The following AGBL1 variants were observed in gnomAD, a reference collection of about 807,000 sequenced individuals.
The protein encoded by AGBL1 is AGBL carboxypeptidase 1.
A neutral mutation model predicts 118.9 loss-of-function variants in AGBL1; 130 were observed. The observed-to-expected ratio is 1.09, with a 90% CI of 0.95 to 1.26. The LOEUF (loss-of-function observed/expected upper bound fraction) is 1.26. AGBL1 is among the 50% of genes most tolerant of loss of function. AGBL1 has a pLI of 0.00. For missense variants in AGBL1, 1,584 were observed against 1,298.1 expected (o/e 1.22, Z -3.38); for synonymous variants, 555 against 478.9 (o/e 1.16, Z -2.08).
intron 17 of AGBL1, among the ~76,000 whole-genome samples, chr15:86,307,743 A>T (rs2141817011): frequency 6.6e-6 from 1 of 152,248 alleles, no homozygotes; most frequent in Middle Eastern, 3.4e-3. Context: ...CTTAAAAAAA[A>T]AATTAGGTCT....
chr15:86,857,914 A>G (rs1431642292), intron 22 of AGBL1, among the ~76,000 whole-genome samples: 10 of 151,964 alleles, frequency 6.6e-5, no homozygotes, highest in African/African-American at 2.2e-4. Context: ...ACATCCCACA[A>G]CTGAGTCTTT....
chr15:86,904,709 T>C (rs1172067430), intron 22 of AGBL1, among the ~76,000 whole-genome samples: 1 of 150,002 alleles, frequency 6.7e-6, no homozygotes, highest in Non-Finnish European at 1.5e-5. Context: ...CAAAACCATA[T>C]TTGTTATAAA....
chr15:86,771,539 G>C (rs948203607), intron 22 of AGBL1, among the ~76,000 whole-genome samples: 18 of 151,772 alleles, frequency 1.2e-4, no homozygotes, highest in Non-Finnish European at 4.4e-5. Flanking sequence ...GGTTTGGTAT[G>C]GGGGAAAGAT....
chr15:86,387,283 A>G (rs2081211914), intron 17 of AGBL1, among the ~76,000 whole-genome samples: 1 of 152,184 alleles, frequency 6.6e-6, no homozygotes, highest in African/African-American at 2.4e-5. Context: ...TGGGAATAGT[A>G]AAAATCAGAG....
intron 23 of AGBL1, among the ~76,000 whole-genome samples, chr15:86,949,849 G>A (rs1333524775): frequency 6.6e-6 from 1 of 151,976 alleles, no homozygotes; most frequent in African/African-American, 2.4e-5. Flanking sequence ...TAGCAAAATA[G>A]CATATTTTTT....
intron 6 of AGBL1, among the ~76,000 whole-genome samples, chr15:86,238,146 C>T (rs920905042): frequency 6.6e-6 from 1 of 152,148 alleles, no homozygotes; most frequent in Non-Finnish European, 1.5e-5. Context: ...TTTGTTTTCT[C>T]TGTATCACTT....
chr15:86,657,822 G>C (rs2085485368), intron 21 of AGBL1, among the ~76,000 whole-genome samples: 1 of 151,588 alleles, frequency 6.6e-6, no homozygotes, highest in Non-Finnish European at 1.5e-5. Context: ...ACCAGAACAG[G>C]GAATAGGGAG....
intron 17 of AGBL1, among the ~76,000 whole-genome samples, chr15:86,358,411 T>G (rs762294279): frequency 1.3e-5 from 2 of 152,108 alleles, no homozygotes; most frequent in Non-Finnish European, 2.9e-5. Flanking sequence ...GTACACATTT[T>G]CTTTTTCCAT....
chr15:86,516,980 ATAT>A (rs1459477719), intron 18 of AGBL1, among the ~76,000 whole-genome samples: 10 of 152,280 alleles, frequency 6.6e-5, no homozygotes, highest in African/African-American at 2.4e-4. Flanking sequence ...TAGCTGAATG[ATAT>A]TATGAAATCA....
intron 3 of AGBL1, among the ~76,000 whole-genome samples, chr15:86,151,514 T>G (rs1197999763): frequency 1.3e-5 from 2 of 152,074 alleles, no homozygotes; most frequent in Non-Finnish European, 2.9e-5. Context: ...TAGGTATTGA[T>G]GGAACATATC....
At chr15:86,361,535 GA>G (rs2080805163) in intron 17 of AGBL1, among the ~76,000 whole-genome samples, 1 of 152,030 alleles carries the variant, frequency 6.6e-6, no homozygotes, top group Non-Finnish European at 1.5e-5. Context: ...CCCTTATAGA[GA>G]ATGGAGTATT....
intron 21 of AGBL1, among the ~76,000 whole-genome samples, chr15:86,563,706 G>C (rs911127219): frequency 2.6e-5 from 4 of 152,044 alleles, no homozygotes; most frequent in African/African-American, 9.7e-5. Flanking sequence ...CTGTCTTGTT[G>C]GTCTGTCTAA....
intron 22 of AGBL1, among the ~76,000 whole-genome samples, chr15:86,903,089 A>T (rs567135331): frequency 3.2e-4 from 48 of 151,860 alleles, no homozygotes; most frequent in African/African-American, 1.1e-3. Context: ...ATTTTTTTTT[A>T]AAGTCTATTT....
chr15:87,001,907 A>T (rs1480654546), intron 24 of AGBL1, among the ~76,000 whole-genome samples: 1 of 151,778 alleles, frequency 6.6e-6, no homozygotes, highest in Non-Finnish European at 1.5e-5. Flanking sequence ...GGTTGCAAAA[A>T]TTTTCTCCCA....
At chr15:86,418,368 G>A (rs1253727496) in intron 18 of AGBL1, among the ~76,000 whole-genome samples, 2 of 152,146 alleles carry the variant, frequency 1.3e-5, no homozygotes, top group South Asian at 2.1e-4. Context: ...CCTCACTGAA[G>A]GCCTGTTAAG....
At chr15:86,200,280 T>C (rs886965456) in intron 5 of AGBL1, among the ~76,000 whole-genome samples, 19 of 152,230 alleles carry the variant, frequency 1.2e-4, no homozygotes, top group Admixed American at 3.9e-4. Flanking sequence ...TGTCATTAAA[T>C]TGATGGATCA....
intron 21 of AGBL1, among the ~76,000 whole-genome samples, chr15:86,666,585 TA>T (rs2085649107): frequency 6.6e-6 from 1 of 152,138 alleles, no homozygotes; most frequent in African/African-American, 2.4e-5. Context: ...AAGCAGGCCA[TA>T]ATTTTGGTGA....
chr15:86,825,961 A>G (rs1357251792), intron 22 of AGBL1, among the ~76,000 whole-genome samples: 3 of 152,032 alleles, frequency 2.0e-5, no homozygotes, highest in Non-Finnish European at 4.4e-5. Flanking sequence ...TTATAGATAC[A>G]CATGCAGTTG....
At chr15:86,176,834 G>A (rs1307531474) in intron 5 of AGBL1, among the ~76,000 whole-genome samples, 1 of 152,144 alleles carries the variant, frequency 6.6e-6, no homozygotes, top group African/African-American at 2.4e-5. Context: ...GAGGGCTGAG[G>A]GGCTCTCCTG....
Sources: allele counts gnomAD v4.1 joint callset (sites outside exome capture counted in the v4.1 genomes callset), GRCh38; gene constraint gnomAD v4.1.1; transcripts MANE v1.5; gene names NCBI Gene and HGNC (gene_info 2026-07-23, HGNC 2026-07-21).